BANK1: variants seen among roughly 807,000 people sequenced by gnomAD.
The protein encoded by BANK1 is B-cell scaffold protein with ankyrin repeats.
Under a neutral mutation model 94.5 loss-of-function variants are expected in BANK1, and 95 were observed. That is an observed-to-expected ratio of 1.00 (90% CI 0.85 to 1.19). The LOEUF is 1.19. Ranked by LOEUF, BANK1 falls within the 50% of genes most tolerant of loss-of-function variation. BANK1 has a pLI of 0.00. For synonymous variants in BANK1, 334 were observed against 308.4 expected (o/e 1.08, Z -0.87); for missense variants, 987 against 932.2 (o/e 1.06, Z -0.77).
At chr4:101,832,238 G>A (rs1402503033) in intron 2 of BANK1, among the ~76,000 whole-genome samples, 1 of 152,156 alleles carries the variant, frequency 6.6e-6, no homozygotes, top group Non-Finnish European at 1.5e-5. Flanking sequence ...TATAGTTGAA[G>A]TTTAGTGACT....
intron 7 of BANK1, among the ~76,000 whole-genome samples, chr4:101,946,989 T>A (rs915872657): frequency 1.3e-5 from 2 of 151,780 alleles, no homozygotes; most frequent in Non-Finnish European, 2.9e-5. Flanking sequence ...GTTGGGCATT[T>A]TTTTCTCCAA....
chr4:102,042,875 A>G (rs1330372356), intron 10 of BANK1, among the ~76,000 whole-genome samples: 3 of 151,998 alleles, frequency 2.0e-5, no homozygotes, highest in Non-Finnish European at 4.4e-5. Context: ...GGGAAGTGGC[A>G]GTAGTGCTGT....
At chr4:101,822,374 A>AG (rs1726193209) in intron 1 of BANK1, among the ~76,000 whole-genome samples, 2 of 152,140 alleles carry the variant, frequency 1.3e-5, no homozygotes, top group South Asian at 4.2e-4. Flanking sequence ...AAAAGAAAAA[A>AG]AAAAGGCACT....
At chr4:101,945,989 A>G (rs1270595486) in intron 7 of BANK1, among the ~76,000 whole-genome samples, 2 of 151,968 alleles carry the variant, frequency 1.3e-5, no homozygotes, top group Admixed American at 6.6e-5. Context: ...CTGCTCCTTT[A>G]AAAGTAACAC....
chr4:101,922,106 CT>C (rs2148901787), intron 7 of BANK1, among the ~76,000 whole-genome samples: 1 of 150,336 alleles, frequency 6.7e-6, no homozygotes, highest in East Asian at 2.0e-4. Flanking sequence ...AGGCCCTAAT[CT>C]TTTTCAGATA....
chr4:101,930,627 G>C (rs77870153), intron 7 of BANK1, among the ~76,000 whole-genome samples: 8,661 of 151,534 alleles, frequency 0.057, 848 homozygotes, highest in African/African-American at 0.2. Flanking sequence ...TACTTGCTAT[G>C]TACTAGTATC....
intron 6 of BANK1, among the ~76,000 whole-genome samples, chr4:101,897,235 A>G (rs1260776344): frequency 6.6e-6 from 1 of 152,016 alleles, no homozygotes; most frequent in Non-Finnish European, 1.5e-5. Flanking sequence ...GAGAAAGTGC[A>G]TACAATGGTG....
At chr4:101,820,028 A>C (rs1726080215) in intron 1 of BANK1, among the ~76,000 whole-genome samples, 1 of 152,326 alleles carries the variant, frequency 6.6e-6, no homozygotes, top group Non-Finnish European at 1.5e-5. Flanking sequence ...GCTCTATGTC[A>C]TAGCAGGGAA....
At chr4:101,939,164 C>G (rs1240244507) in intron 7 of BANK1, among the ~76,000 whole-genome samples, 1 of 151,708 alleles carries the variant, frequency 6.6e-6, no homozygotes, top group African/African-American at 2.4e-5. Context: ...GTCAGAACTT[C>G]TAGACGTGTT....
At chr4:101,994,894 CT>C (rs1192701492) in intron 7 of BANK1, among the ~76,000 whole-genome samples, 1 of 152,080 alleles carries the variant, frequency 6.6e-6, no homozygotes, top group Non-Finnish European at 1.5e-5. Flanking sequence ...AAAGTTGTCT[CT>C]TTTTTTATCC....
chr4:101,888,695 A>G (rs779387521), intron 5 of BANK1, among the ~76,000 whole-genome samples: 11 of 152,326 alleles, frequency 7.2e-5, no homozygotes, highest in East Asian at 5.8e-4. Flanking sequence ...AGAAAAATCT[A>G]CCTTGCAGGA....
intron 5 of BANK1, among the ~76,000 whole-genome samples, chr4:101,877,577 C>G (rs939478488): frequency 8.5e-6 from 1 of 117,198 alleles, no homozygotes; most frequent in African/African-American, 3.2e-5. Flanking sequence ...TATTTTTGCT[C>G]GTATGTTTGT....
chr4:101,791,112 GTTC>G (rs1724968177), intron 1 of BANK1, among the ~76,000 whole-genome samples, 162 bp downstream of exon 1: 2 of 152,326 alleles, frequency 1.3e-5, no homozygotes, highest in South Asian at 2.1e-4. Flanking sequence ...AGCCCAGAGG[GTTC>G]TTCTGTCCCT....
rs78751203 is a variant in BANK1, at chr4:101,980,926, G to A, written c.1207-40588G>A. 4.7e-3 allele frequency among the ~76,000 whole-genome samples: 711 copies of A among 152,146 alleles called. 13 individuals are homozygous for A. In the East Asian group the frequency reaches 0.056, roughly 12 times the overall value. ...TCAAGGCTATTAATTTAAGTGTGCT[G>A]CTACTGGCATCTTACTAAATAACTT... is the stretch of plus-strand genomic sequence containing the variant. On this transcript the variant is annotated intron_variant, in intron 7 of 16. Transcript: ENST00000322953.
intron 7 of BANK1, among the ~76,000 whole-genome samples, chr4:101,996,861 C>A (rs957190697): frequency 6.6e-6 from 1 of 152,158 alleles, no homozygotes; most frequent in African/African-American, 2.4e-5. Context: ...AATATACAAT[C>A]ATGTCATCTG....
chr4:101,861,125 C>T (rs1000955404), intron 3 of BANK1, among the ~76,000 whole-genome samples: 17 of 128,964 alleles, frequency 1.3e-4, no homozygotes, highest in African/African-American at 6.0e-4. Flanking sequence ...GTGGGAGTTC[C>T]TTTGAAATAG....
chr4:102,053,921 C>G (rs1023568245), intron 11 of BANK1, among the ~76,000 whole-genome samples: 1 of 151,420 alleles, frequency 6.6e-6, no homozygotes, highest in Non-Finnish European at 1.5e-5. Context: ...TAAAAAGTAA[C>G]CACTACTTTC....
chr4:101,929,873 T>C (rs1046062598), intron 7 of BANK1, among the ~76,000 whole-genome samples: 13 of 151,526 alleles, frequency 8.6e-5, no homozygotes, highest in Non-Finnish European at 1.8e-4. Context: ...AAAAATTTAA[T>C]TGAAGTCTAG....
At chr4:101,896,912 G>C (rs1037398597) in intron 6 of BANK1, among the ~76,000 whole-genome samples, 2 of 151,874 alleles carry the variant, frequency 1.3e-5, no homozygotes, top group Non-Finnish European at 2.9e-5. Flanking sequence ...AAATTTTGGT[G>C]CATCTATTAA....
Sources: gnomAD v4.1 joint callset for allele counts (sites outside exome capture counted in the v4.1 genomes callset) on GRCh38, gnomAD v4.1.1 for gene constraint, MANE v1.5 for transcripts, NCBI Gene and HGNC (gene_info 2026-07-23, HGNC 2026-07-21) for gene names.